The following DENND4A variants were observed in gnomAD, a reference collection of about 807,000 sequenced individuals.
DENND4A encodes C-myc promoter-binding protein.
A neutral mutation model predicts 199.3 loss-of-function variants in DENND4A; 70 were observed. That is an observed-to-expected ratio of 0.35 (90% CI 0.29 to 0.43). DENND4A has a LOEUF of 0.43. DENND4A is among the 20% of genes least tolerant of loss of function. The pLI is 1.00. For missense variants in DENND4A, 1,723 were observed against 2,255.8 expected (o/e 0.76, Z 4.78); for synonymous variants, 686 against 766.9 (o/e 0.89, Z 1.74).
intron 1 of DENND4A, among the ~76,000 whole-genome samples, chr15:65,780,870 A>C (rs976327868): frequency 2.6e-5 from 4 of 152,214 alleles, no homozygotes; most frequent in Non-Finnish European, 4.4e-5. Flanking sequence ...TGGGTCTGGA[A>C]CCAACTACTT....
At chr15:65,686,406 C>T (rs894540035) in intron 23 of DENND4A, among the ~76,000 whole-genome samples, 1 of 152,094 alleles carries the variant, frequency 6.6e-6, no homozygotes, top group Admixed American at 6.6e-5. Context: ...TTTGTCTTGA[C>T]CAATTTTTGT....
At chr15:65,757,570 G>A (rs1163276157) in intron 2 of DENND4A, among the ~76,000 whole-genome samples, 6 of 152,220 alleles carry the variant, frequency 3.9e-5, no homozygotes, top group East Asian at 1.9e-4. Context: ...GGAGGGTAGC[G>A]GGGGAGTCTC....
At chr15:65,754,130 G>T (rs2076641728) in intron 3 of DENND4A, among the ~76,000 whole-genome samples, 1 of 151,698 alleles carries the variant, frequency 6.6e-6, no homozygotes, top group Admixed American at 6.6e-5. Flanking sequence ...CACTGTGCCT[G>T]GCCAAATTAT....
intron 29 of DENND4A, among the ~76,000 whole-genome samples, chr15:65,665,977 C>T (rs867523775): frequency 4.6e-5 from 7 of 152,166 alleles, no homozygotes; most frequent in Middle Eastern, 3.4e-3. Flanking sequence ...AACAACATAC[C>T]GAAAATACAA....
chr15:65,681,845 C>T (rs894847034), intron 23 of DENND4A, among the ~76,000 whole-genome samples: 6 of 152,140 alleles, frequency 3.9e-5, no homozygotes, highest in South Asian at 2.1e-4. Flanking sequence ...TGGGATTACA[C>T]GCGTGAGCCA....
intron 14 of DENND4A, among the ~76,000 whole-genome samples, chr15:65,708,619 ATC>A (rs2075138353): frequency 6.6e-6 from 1 of 152,156 alleles, no homozygotes; most frequent in Admixed American, 6.5e-5. Context: ...GCATGGTGAC[ATC>A]TGTCTCTATC....
intron 1 of DENND4A, among the ~76,000 whole-genome samples, chr15:65,766,163 A>G (rs1484066605): frequency 6.6e-6 from 1 of 151,622 alleles, no homozygotes; most frequent in African/African-American, 2.4e-5. Context: ...AGGCAGGAGA[A>G]TCACTTGAAC....
At chr15:65,719,859 C>T (rs1414894610) in intron 12 of DENND4A, among the ~76,000 whole-genome samples, 1 of 151,966 alleles carries the variant, frequency 6.6e-6, no homozygotes, top group Non-Finnish European at 1.5e-5. Context: ...CGCGCCACTG[C>T]ACTCCAGCCT....
At chr15:65,772,212 A>G in intron 1 of DENND4A, 3 of 621,616 alleles carry the variant, frequency 4.8e-6, no homozygotes, top group Non-Finnish European at 8.7e-6. Context: ...TGGTGACTTA[A>G]AGGTCTAGAG....
In DENND4A at chr15:65,692,091, C is replaced by A. The variant is rs143603029; in HGVS notation, c.3083-580G>T. On this transcript the variant is annotated intron_variant, in intron 22 of 32. Coordinates refer to ENST00000443035, the MANE Select transcript of DENND4A (RefSeq NM_001320835.1). ...GTGCTAGGATTATAGGCTTGAGCCA[C>A]CATGCCCAGCCAAAATTGTGAATCT... Among the ~76,000 whole-genome samples the A allele has an allele frequency of 1.7e-3, 253 of 151,234 alleles. 1 individual carries two copies. The highest frequency in any genetic ancestry group is 5.7e-3 in the African/African-American group (234 of 41,258).
At position 65,701,110 on chromosome 15, in the gene DENND4A, A is replaced by G. The variant is rs2074853721; in HGVS notation, c.2642T>C (p.Val881Ala). ...WTKVRNVVLGVTQFKRALKKH... is the reference protein window; with the variant it reads ...WTKVRNVVLGATQFKRALKKH... ...CTTTAAAGCTCTTTTGAACTGTGTTACTCCTAAAACAACATTTCTTACTTT... is the reference window on the plus strand; with the variant it reads ...CTTTAAAGCTCTTTTGAACTGTGTTGCTCCTAAAACAACATTTCTTACTTT... The change falls in exon 19 of 33, where the codon GTA becomes GCA. Residue 881 changes from valine (V) to alanine (A), a missense_variant. By Grantham distance (64) the Val-to-Ala change is moderately conservative. Coordinates refer to ENST00000443035, the MANE Select transcript of DENND4A (RefSeq NM_001320835.1). The G allele has an allele frequency of 1.9e-6, 3 of 1,610,620 alleles. No individual in the cohort carries two copies.
chr15:65,719,708 G>A (rs1311488805), intron 12 of DENND4A, among the ~76,000 whole-genome samples: 2 of 148,514 alleles, frequency 1.3e-5, no homozygotes, highest in African/African-American at 2.6e-5. Context: ...TGGCAATATA[G>A]TGAGATCCCA....
chr15:65,725,464 CAG>C (rs1484829052), intron 11 of DENND4A, among the ~76,000 whole-genome samples: 1 of 152,094 alleles, frequency 6.6e-6, no homozygotes, highest in Non-Finnish European at 1.5e-5. Flanking sequence ...ATCATGAGGT[CAG>C]GAGATGGAGA....
At chr15:65,685,166 G>C (rs2076722890) in intron 23 of DENND4A, among the ~76,000 whole-genome samples, 1 of 148,600 alleles carries the variant, frequency 6.7e-6, no homozygotes, top group African/African-American at 2.5e-5. Flanking sequence ...TCACTCTGTC[G>C]CCTAGGCCAG....
intron 8 of DENND4A, among the ~76,000 whole-genome samples, chr15:65,732,036 A>G (rs1250160809): frequency 1.3e-5 from 2 of 152,096 alleles, no homozygotes; most frequent in African/African-American, 4.8e-5. Flanking sequence ...GCAAATCCAT[A>G]GATTGCCTGT....
chr15:65,682,038 A>G lies in DENND4A; in HGVS notation c.4180-5404T>C, dbSNP rs1305511945. On this transcript the variant is annotated intron_variant, in intron 23 of 32. Transcript: ENST00000443035. ...CATCCAGGTTTTTTGTTCCATTTAC[A>G]GAGCACAGGCAGAGAGTAGCTTTAG... Among the ~76,000 whole-genome samples, 4 of 152,238 alleles carry G rather than the reference A, an allele frequency of 2.6e-5. No individual in the cohort carries two copies. In the South Asian group the frequency reaches 6.2e-4, roughly 24 times the overall value.
chr15:65,791,587 C>T (rs1176672200), intron 1 of DENND4A, among the ~76,000 whole-genome samples: 1 of 151,958 alleles, frequency 6.6e-6, no homozygotes, highest in Non-Finnish European at 1.5e-5. Context: ...CTGCAGGCAC[C>T]CCGGGCTCCC....
At chr15:65,714,756 A>T (rs1343741823) in intron 14 of DENND4A, among the ~76,000 whole-genome samples, 1 of 152,178 alleles carries the variant, frequency 6.6e-6, no homozygotes, top group Non-Finnish European at 1.5e-5. Flanking sequence ...ACCCTGTAGC[A>T]GTCTGCCCCT....
chr15:65,695,113 T>G (rs1304480538), intron 22 of DENND4A, among the ~76,000 whole-genome samples: 2 of 152,210 alleles, frequency 1.3e-5, no homozygotes, highest in African/African-American at 2.4e-5. Context: ...AATGTTTCTG[T>G]TACAACAATT....
Sources: gnomAD v4.1 joint callset for allele counts (sites outside exome capture counted in the v4.1 genomes callset) on GRCh38, gnomAD v4.1.1 for gene constraint, MANE v1.5 for transcripts, NCBI Gene and HGNC (gene_info 2026-07-23, HGNC 2026-07-21) for gene names.